The following NHLRC2 variants were observed in gnomAD, a reference collection of about 807,000 sequenced individuals.
NHLRC2 encodes the protein NHL repeat containing 2, also known as NHL repeat-containing protein 2.
A neutral mutation model predicts 68.1 loss-of-function variants in NHLRC2; 33 were observed. The observed-to-expected ratio is 0.48, with a 90% CI of 0.37 to 0.65. The LOEUF (loss-of-function observed/expected upper bound fraction) is 0.65. Ranked by LOEUF, NHLRC2 falls within the 30% of genes least tolerant of loss-of-function variation. The pLI is 0.00. For missense variants in NHLRC2, 761 were observed against 853.8 expected (o/e 0.89, Z 1.35); for synonymous variants, 311 against 309.6 (o/e 1.00, Z -0.05).
intron 2 of NHLRC2, among the ~76,000 whole-genome samples, chr10:113,867,746 T>C (rs1485237371): frequency 6.6e-6 from 1 of 152,062 alleles, no homozygotes; most frequent in African/African-American, 2.4e-5. Context: ...GTTTTTGTTT[T>C]TGTTTTTGTT....
chr10:113,914,281 C>A lies in NHLRC2; in HGVS notation c.*5745C>A, dbSNP rs546432669. 1 of 152,360 alleles carries A rather than the reference C, an allele frequency of 6.6e-6. No homozygotes were observed. Among genetic ancestry groups the A allele is most frequent in the African/African-American group, 2.4e-5 (1 of 41,450 alleles). The allele number at this position is 152,360 out of a possible 1,614,324, so 9.4% of individuals were successfully genotyped here. ...TCCTGTGTTCAAGCAATTCTCCTGCCTCAGCCTCCTGAGTAGCTGGGATTA... is the reference window on the plus strand; with the variant it reads ...TCCTGTGTTCAAGCAATTCTCCTGCATCAGCCTCCTGAGTAGCTGGGATTA... On this transcript the variant is annotated 3_prime_UTR_variant, in exon 11 of 11. Coordinates refer to ENST00000369301, the MANE Select transcript of NHLRC2 (RefSeq NM_198514.4).
chr10:113,874,757 C>T (rs1179083509), intron 2 of NHLRC2, among the ~76,000 whole-genome samples: 1 of 151,648 alleles, frequency 6.6e-6, no homozygotes, highest in Non-Finnish European at 1.5e-5. Context: ...TCTTCTTTCT[C>T]TCTTTATGTT....
chr10:113,901,328 T>C lies in NHLRC2; in HGVS notation c.1140-338T>C, dbSNP rs540929395. Among the ~76,000 whole-genome samples, 23 of 152,330 alleles carry C rather than the reference T, an allele frequency of 1.5e-4. No homozygotes were observed. In the East Asian group the frequency reaches 4.4e-3, roughly 29 times the overall value. ...TTGCATGAAACTAAGAAGTTAAGAA[T>C]TTAAGGTAGTAAAAACAACCTATCT... On this transcript the variant is annotated intron_variant, in intron 6 of 10. Transcript: ENST00000369301.
intron 5 of NHLRC2, among the ~76,000 whole-genome samples, chr10:113,889,215 C>T (rs1434320286): frequency 6.6e-6 from 1 of 152,080 alleles, no homozygotes; most frequent in Non-Finnish European, 1.5e-5. Flanking sequence ...TCCCATTAAC[C>T]TTTCTTGGCC....
At chr10:113,858,894 T>A (rs1324186925) in intron 2 of NHLRC2, 1 of 379,614 alleles carries the variant, frequency 2.6e-6, no homozygotes, top group Non-Finnish European at 4.7e-6. Flanking sequence ...CAGCATTTAG[T>A]ATATGGTTTT....
At chr10:113,886,061 A>G (rs535173584) in intron 5 of NHLRC2, among the ~76,000 whole-genome samples, 2 of 152,106 alleles carry the variant, frequency 1.3e-5, no homozygotes, top group African/African-American at 4.8e-5. Flanking sequence ...CAAAATCAAC[A>G]TACAAAAATT....
intron 4 of NHLRC2, among the ~76,000 whole-genome samples, chr10:113,880,450 A>T (rs1380249288): frequency 2.0e-5 from 3 of 151,542 alleles, no homozygotes; most frequent in Non-Finnish European, 3.0e-5. Flanking sequence ...TTTCCTCCTG[A>T]TGGTTGTTTT....
chr10:113,860,769 C>T (rs1845808581), intron 2 of NHLRC2, among the ~76,000 whole-genome samples: 1 of 152,174 alleles, frequency 6.6e-6, no homozygotes, highest in South Asian at 2.1e-4. Context: ...GAAAAGTGGA[C>T]TAACAGTGAG....
chr10:113,882,714 A>G (rs1292430173), intron 4 of NHLRC2, among the ~76,000 whole-genome samples: 2 of 151,512 alleles, frequency 1.3e-5, no homozygotes, highest in African/African-American at 4.8e-5. Flanking sequence ...TGATTTGTCC[A>G]TTTTTTCCTT....
intron 2 of NHLRC2, among the ~76,000 whole-genome samples, chr10:113,872,228 A>G (rs1272793121): frequency 1.3e-5 from 2 of 152,170 alleles, no homozygotes; most frequent in Non-Finnish European, 2.9e-5. Context: ...AAGGGAAAAA[A>G]GCGTATATGA....
rs962310109 is a variant in NHLRC2 at position 113,904,910 on chromosome 10, A to G, written c.1798A>G (p.Ser600Gly). 10 of 1,609,320 alleles carry G rather than the reference A, an allele frequency of 6.2e-6. No homozygotes were observed. Among genetic ancestry groups the G allele is most frequent in the African/African-American group, 2.7e-5 (2 of 74,598 alleles). ...ACCCAAACTACCTAAATCTGCTCCA[A>G]GCATTAGGCTTTCCCCCGTGACTGC... is the stretch of plus-strand genomic sequence containing the variant. ...TLPKLPKSAP[S>G]IRLSPVTACA... Residue 600 changes from serine to glycine, a missense_variant, in exon 10 of 11, where the codon AGC (serine) becomes GGC (glycine). By Grantham distance (56) the Ser-to-Gly change is moderately conservative (BLOSUM62 0). Coordinates refer to ENST00000369301, the MANE Select transcript of NHLRC2 (RefSeq NM_198514.4).
In NHLRC2 at chr10:113,884,279, C is replaced by T. The variant is rs1846061403; in HGVS notation, c.938C>T (p.Thr313Ile). 5.6e-6 allele frequency: 9 copies of T among 1,610,530 alleles called. No homozygotes were observed. Among genetic ancestry groups the T allele is most frequent in the Non-Finnish European group, 7.6e-6 (9 of 1,177,314 alleles). ...KIDLEAEKVS[T>I]VAGIGIQGTD... ...GACCTAGAAGCTGAGAAGGTGAGCA[C>T]TGTAGCTGGTATTGGAATTCAAGGT... The change falls in exon 5 of 11, where the codon ACT becomes ATT. Residue 313 changes from threonine to isoleucine, a missense_variant. Coordinates refer to ENST00000369301, the MANE Select transcript of NHLRC2 (RefSeq NM_198514.4).
chr10:113,864,319 C>T (rs182291200), intron 2 of NHLRC2, among the ~76,000 whole-genome samples: 2 of 152,186 alleles, frequency 1.3e-5, no homozygotes, highest in African/African-American at 2.4e-5. Context: ...TGGCAATGGT[C>T]GCACAGCAAT....
intron 1 of NHLRC2, among the ~76,000 whole-genome samples, chr10:113,855,373 C>T: frequency 6.6e-6 from 1 of 152,252 alleles, no homozygotes; most frequent in East Asian, 1.9e-4. Context: ...CCACACCATT[C>T]TGTCCATTCA....
rs1184296106 is a variant in NHLRC2, at chr10:113,911,243, TA to T, written c.*2708del. On this transcript the variant is annotated 3_prime_UTR_variant, in exon 11 of 11. Coordinates refer to ENST00000369301, the MANE Select transcript of NHLRC2 (RefSeq NM_198514.4). ...GCTATTTTTTTCCTCTCCTCTTTAT[TA>T]TTTCACAAATGGTAGAATTTCTTGA... The T allele has an allele frequency of 2.0e-5, 3 of 152,162 alleles. No homozygotes were observed. Among genetic ancestry groups the T allele is most frequent in the African/African-American group, 4.8e-5 (2 of 41,456 alleles). The allele number at this position is 152,162 out of a possible 1,614,324, so 9.4% of individuals were successfully genotyped here. A position where few individuals can be genotyped will look rare whatever the true frequency, so the allele number is the denominator to read the frequency against.
intron 4 of NHLRC2, among the ~76,000 whole-genome samples, chr10:113,880,275 G>T (rs958768155): frequency 6.6e-6 from 1 of 151,728 alleles, no homozygotes; most frequent in Non-Finnish European, 1.5e-5. Context: ...AAAATAAATT[G>T]ATATTAAAAA....
intron 9 of NHLRC2, 62 bp from the exon 10 acceptor site, chr10:113,904,755 C>T: frequency 1.7e-6 from 2 of 1,203,074 alleles, no homozygotes; most frequent in African/African-American, 1.5e-5. Flanking sequence ...TAAAAATATG[C>T]TCTCATTCTA....
At chr10:113,881,947 AT>A (rs1263281121) in intron 4 of NHLRC2, among the ~76,000 whole-genome samples, 1 of 151,748 alleles carries the variant, frequency 6.6e-6, no homozygotes, top group South Asian at 2.1e-4. Flanking sequence ...ATAGAATTAT[AT>A]ATATTTTCTT....
intron 6 of NHLRC2, among the ~76,000 whole-genome samples, chr10:113,899,133 C>G (rs574561486): frequency 1.3e-5 from 2 of 152,248 alleles, no homozygotes; most frequent in East Asian, 3.9e-4. Context: ...TCCTCTTTCT[C>G]TCTCTTCTCT....
Sources: allele counts gnomAD v4.1 joint callset (sites outside exome capture counted in the v4.1 genomes callset), GRCh38; gene constraint gnomAD v4.1.1; transcripts MANE v1.5; gene names NCBI Gene and HGNC (gene_info 2026-07-23, HGNC 2026-07-21).